The following KLB variants were observed in gnomAD, a reference collection of about 807,000 sequenced individuals.
KLB encodes beta-klotho.
A neutral mutation model predicts 88.4 loss-of-function variants in KLB; 44 were observed. The ratio of observed to expected loss-of-function variants is 0.50; its 90% CI spans 0.39 to 0.64. The LOEUF (loss-of-function observed/expected upper bound fraction) is 0.64, where lower values mean the gene tolerates loss of function less well. Ranked by LOEUF, KLB falls within the 30% of genes least tolerant of loss-of-function variation. The probability of loss-of-function intolerance (pLI) is 0.00; values close to 1 mark genes in which losing one functional copy is unlikely to be tolerated. For missense variants in KLB, 1,137 were observed against 1,304.8 expected, an observed-to-expected ratio of 0.87 and a Z score of 1.98; for synonymous variants, 548 against 513.4, an observed-to-expected ratio of 1.07 and a Z score of -0.91.
Position 39,448,603 on chromosome 4 carries a change from CA to C in KLB, c.3055del (p.Arg1019GlyfsTer18). On this transcript the variant is annotated frameshift_variant, in exon 5 of 5. Transcript: ENST00000257408. LOFTEE classifies it high-confidence loss of function. ...TCTACTCTTATCAATTGCCATTTTT[CA>C]AAGGCAGAAGAGAAGAAAGTTTTGG... ...LVLLLSIAIF[Q>X]RQKRRKFWKA... is the part of the protein sequence containing the mutation. 1 of 1,614,026 alleles carries C rather than the reference CA, an allele frequency of 6.2e-7. No homozygotes were observed. The highest frequency in any genetic ancestry group is 1.1e-5 in the South Asian group (1 of 91,076).
Position 39,407,774 on chromosome 4 carries a change from G to A in KLB, c.825G>A (p.Lys275=), listed in dbSNP as rs761303588. The part of the protein sequence containing the change: ...AVYTVGHNLI[K]AHSKVWHNYN... ...ACACTGTGGGACACAACTTGATCAA[G>A]GTACTGTACAGCTAGCTTCTTCTTA... Residue 275 remains lysine, a splice_region_variant and synonymous_variant, in exon 1 of 5, where the codon AAG becomes AAA. Transcript: ENST00000257408. 6.5e-7 allele frequency: 1 copy of A among 1,541,478 alleles called. No homozygotes were observed. Among genetic ancestry groups the A allele is most frequent in the Non-Finnish European group, 8.8e-7 (1 of 1,132,134 alleles).
chr4:39,438,462 C>T (rs1284226175), intron 3 of KLB, among the ~76,000 whole-genome samples: 2 of 152,132 alleles, frequency 1.3e-5, no homozygotes, highest in African/African-American at 4.8e-5. Context: ...TCATTCCTCA[C>T]CCCCTTAAGC....
Position 39,407,388 on chromosome 4 carries a change from T to C in KLB, c.439T>C (p.Ser147Pro), listed in dbSNP as rs1279298309. The C allele has an allele frequency of 6.2e-7, 1 of 1,613,532 alleles. No individual in the cohort carries two copies. ...DLSALDFIGV[S>P]FYQFSISWPR... ...ATCAGCCCTGGATTTTATAGGAGTT[T>C]CTTTTTATCAATTTTCAATTTCCTG... The change falls in exon 1 of 5, where the codon TCT (serine) becomes CCT (proline). Residue 147 changes from serine (S) to proline (P), a missense_variant. Ser to Pro is a moderately conservative substitution (Grantham distance 74). Transcript: ENST00000257408.
chr4:39,433,249 G>A (rs992784076), intron 1 of KLB, among the ~76,000 whole-genome samples: 2 of 152,142 alleles, frequency 1.3e-5, no homozygotes, highest in Non-Finnish European at 2.9e-5. Context: ...TAAGTGACTT[G>A]CCTAAGGTTA....
At chr4:39,443,774 A>G (rs930061195) in intron 3 of KLB, among the ~76,000 whole-genome samples, 103 of 150,598 alleles carry the variant, frequency 6.8e-4, no homozygotes, top group Non-Finnish European at 8.0e-4. Context: ...AAAAAAAAAA[A>G]AAAGAAAAAA....
intron 1 of KLB, among the ~76,000 whole-genome samples, chr4:39,409,968 A>T (rs1162877449): frequency 1.3e-5 from 2 of 152,178 alleles, no homozygotes; most frequent in East Asian, 3.8e-4. Context: ...GTACCAAAGG[A>T]TCTAAAGTGA....
intron 1 of KLB, among the ~76,000 whole-genome samples, chr4:39,415,073 C>T (rs1235093392): frequency 1.3e-5 from 2 of 151,584 alleles, no homozygotes; most frequent in Non-Finnish European, 2.9e-5. Context: ...CCACCACTCA[C>T]GGCTAATTTT....
chr4:39,448,604 A>C lies in KLB; in HGVS notation c.3053A>C (p.Gln1018Pro). Residue 1018 changes from glutamine (Q) to proline (P), a missense_variant, in exon 5 of 5, where the codon CAA becomes CCA. Gln to Pro is a moderately conservative substitution (Grantham distance 76, BLOSUM62 -1). This residue lies in a region of KLB where 426 missense variants were observed against 404.6 expected (regional missense o/e 1.05). Transcript: ENST00000257408. ...CTACTCTTATCAATTGCCATTTTTC[A>C]AAGGCAGAAGAGAAGAAAGTTTTGG... ...LVLLLSIAIF[Q>P]RQKRRKFWKA... The C allele has an allele frequency of 6.2e-7, 1 of 1,614,180 alleles. No individual in the cohort carries two copies.
At chr4:39,430,882 T>G (rs892930269) in intron 1 of KLB, among the ~76,000 whole-genome samples, 2 of 151,398 alleles carry the variant, frequency 1.3e-5, no homozygotes, top group Non-Finnish European at 2.9e-5. Context: ...AGAGCTGAGA[T>G]TACAGGCATG....
At chr4:39,445,724 G>A (rs1361293010) in intron 3 of KLB, among the ~76,000 whole-genome samples, 2 of 143,840 alleles carry the variant, frequency 1.4e-5, no homozygotes, top group African/African-American at 5.2e-5. Context: ...GTTTCTCCAT[G>A]TTGGTCAGGC....
intron 1 of KLB, among the ~76,000 whole-genome samples, chr4:39,417,183 T>TA (rs1742983380): frequency 6.6e-6 from 1 of 151,858 alleles, no homozygotes; most frequent in Admixed American, 6.6e-5. Flanking sequence ...GTCTTATAGC[T>TA]AAAAAATTAG....
intron 1 of KLB, among the ~76,000 whole-genome samples, chr4:39,428,541 C>T (rs2109831117): frequency 6.6e-6 from 1 of 151,612 alleles, no homozygotes; most frequent in East Asian, 1.9e-4. Flanking sequence ...GCTATTGAAA[C>T]ATTTATGACA....
intron 1 of KLB, among the ~76,000 whole-genome samples, chr4:39,418,225 G>A (rs1290102603): frequency 9.9e-5 from 15 of 152,078 alleles, no homozygotes; most frequent in Admixed American, 9.8e-4. Flanking sequence ...AATCACTGAA[G>A]TGTGCCCTTG....
In KLB at chr4:39,447,060, G is replaced by C; in HGVS notation, c.2334G>C (p.Lys778Asn). 5 of 1,612,818 alleles carry C rather than the reference G, an allele frequency of 3.1e-6. No homozygotes were observed. Among genetic ancestry groups the C allele is most frequent in the Non-Finnish European group, 3.4e-6 (4 of 1,179,976 alleles). Residue 778 changes from lysine (K) to asparagine (N), a missense_variant, in exon 4 of 5, where the codon AAG becomes AAC. By Grantham distance (94) the Lys-to-Asn change is moderately conservative. Transcript: ENST00000257408. ...EIAWFAEPLF[K>N]TGDYPAAMRE... Reference sequence around the variant, plus strand: ...CCTGGTTCGCCGAGCCGCTCTTCAAGACCGGGGACTACCCCGCGGCCATGA... The same window carrying C: ...CCTGGTTCGCCGAGCCGCTCTTCAACACCGGGGACTACCCCGCGGCCATGA...
In KLB at chr4:39,446,260, C is replaced by A; in HGVS notation, c.1606-72C>A. 1 of 1,396,868 alleles carries A rather than the reference C, an allele frequency of 7.2e-7. No individual in the cohort carries two copies. The highest frequency in any genetic ancestry group is 9.8e-7 in the Non-Finnish European group (1 of 1,023,914). The allele number at this position is 1,396,868 out of a possible 1,614,324, so 86.5% of individuals were successfully genotyped here. On this transcript the variant is annotated intron_variant, in intron 3 of 4. Transcript: ENST00000257408. This position sits in a 1 kb window ranked among gnomAD's most constrained non-coding sequence, Gnocchi z 6.4. ...CCTGTAATCCCAGCACTTTGGGAGGCAGAGGTAGGCAGATCACTTGAGCCT... is the reference window on the plus strand; with the variant it reads ...CCTGTAATCCCAGCACTTTGGGAGGAAGAGGTAGGCAGATCACTTGAGCCT...
At chr4:39,432,206 G>A (rs1375720061) in intron 1 of KLB, among the ~76,000 whole-genome samples, 5 of 151,986 alleles carry the variant, frequency 3.3e-5, no homozygotes. Flanking sequence ...ACGATCACTT[G>A]AACCTGAGAG....
In KLB at chr4:39,449,122, C is replaced by T. The variant is rs889705158; in HGVS notation, c.*436C>T. Reference sequence around the variant, plus strand: ...GGGAGATCACCTGAGGTGAGGAGTTCGAGACCAGCCTGGCCAACATGGTGA... The same window carrying T: ...GGGAGATCACCTGAGGTGAGGAGTTTGAGACCAGCCTGGCCAACATGGTGA... On this transcript the variant is annotated 3_prime_UTR_variant, in exon 5 of 5. Transcript: ENST00000257408. 44 of 154,968 alleles carry T rather than the reference C, an allele frequency of 2.8e-4. No individual in the cohort carries two copies. The highest frequency in any genetic ancestry group is 9.6e-4 in the African/African-American group (40 of 41,538). The allele number at this position is 154,968 out of a possible 1,614,324, so 9.6% of individuals were successfully genotyped here. A position where few individuals can be genotyped will look rare whatever the true frequency, so the allele number is the denominator to read the frequency against.
intron 1 of KLB, among the ~76,000 whole-genome samples, chr4:39,411,625 T>A (rs1035746991): frequency 6.6e-6 from 1 of 151,060 alleles, no homozygotes; most frequent in African/African-American, 2.4e-5. Flanking sequence ...ATTCAAGCGA[T>A]TCTCCCGCCT....
At chr4:39,447,614 G>C (rs1743787213) in intron 4 of KLB, 139 bp downstream of exon 4, 2 of 673,784 alleles carry the variant, frequency 3.0e-6, no homozygotes, top group African/African-American at 1.9e-5. Flanking sequence ...ATTTTGTCCT[G>C]AAAACTGGCC....
Sources: allele counts gnomAD v4.1 joint callset (sites outside exome capture counted in the v4.1 genomes callset), GRCh38; gene constraint gnomAD v4.1.1; regional missense constraint gnomAD v4.1.1; non-coding constraint Gnocchi (gnomAD v3.1); transcripts MANE v1.5; gene names NCBI Gene and HGNC (gene_info 2026-07-23, HGNC 2026-07-21).